The following NHSL2 variants were observed in gnomAD, a reference collection of about 807,000 sequenced individuals.
The protein encoded by NHSL2 is NHS-like protein 2.
In NHSL2, 27 loss-of-function variants were observed where a neutral mutation model predicts 53.4. The observed-to-expected ratio is 0.51, with a 90% CI of 0.37 to 0.70. NHSL2 has a LOEUF of 0.70. Ranked by LOEUF, NHSL2 falls within the 30% of genes least tolerant of loss-of-function variation. The pLI is 0.00. For missense variants in NHSL2, 892 were observed against 980.1 expected (o/e 0.91, Z 1.20); for synonymous variants, 408 against 404.1 (o/e 1.01, Z -0.12).
At chrX:72,129,550 C>A (rs1293021718) in intron 1 of NHSL2, 2 of 329,356 alleles carry the variant, frequency 6.1e-6, no homozygotes, top group Non-Finnish European at 1.1e-5. Context: ...TGGGAACAGG[C>A]CCAGAAACTT....
At chrX:72,012,300 A>C (rs2042119256) in intron 1 of NHSL2, among the ~76,000 whole-genome samples, 1 of 111,471 alleles carries the variant, frequency 9.0e-6, no homozygotes, top group African/African-American at 3.3e-5. Context: ...AAGGTGTGAG[A>C]TAGATTATAT....
At chrX:72,024,017 A>G in intron 1 of NHSL2, among the ~76,000 whole-genome samples, 1 of 111,266 alleles carries the variant, frequency 9.0e-6, no homozygotes, top group East Asian at 2.8e-4. Flanking sequence ...CCTGAGGGAG[A>G]GGAATCTTGG....
At chrX:71,940,185 A>G (rs1184048980) in intron 1 of NHSL2, among the ~76,000 whole-genome samples, 1 of 112,215 alleles carries the variant, frequency 8.9e-6, no homozygotes, top group African/African-American at 3.2e-5. Flanking sequence ...AAGCCAAGCT[A>G]CAAGAAAGTT....
At chrX:72,082,944 A>G (rs964385517) in intron 1 of NHSL2, among the ~76,000 whole-genome samples, 5 of 111,867 alleles carry the variant, frequency 4.5e-5, no homozygotes, top group Non-Finnish European at 9.4e-5. Flanking sequence ...AGCCTAAAAC[A>G]ATGAACTATA....
intron 1 of NHSL2, among the ~76,000 whole-genome samples, chrX:71,959,105 A>G (rs867560472): frequency 6.9e-4 from 78 of 112,397 alleles, no homozygotes; most frequent in African/African-American, 2.5e-3. Flanking sequence ...GAATAAGTTG[A>G]TCAAGGGTGG....
At chrX:72,107,128 A>G (rs2042050044) in intron 1 of NHSL2, among the ~76,000 whole-genome samples, 1 of 110,593 alleles carries the variant, frequency 9.0e-6, no homozygotes, top group South Asian at 3.8e-4. Context: ...ATAAATAAAT[A>G]AAATTTTTTA....
rs922040835 is a variant in NHSL2, at chrX:72,018,682, G to A, written c.280+107315G>A. On this transcript the variant is annotated intron_variant, in intron 1 of 7. Transcript: ENST00000633930. The stretch of plus-strand genomic sequence containing the variant: ...ATCCCTCAGCACCTCCGGAACACGA[G>A]GCTGCTTGGAAGCAGCCGGGCCCCC... 6.2e-5 allele frequency among the ~76,000 whole-genome samples: 7 copies of A among 112,726 alleles called. No homozygotes were observed. In the East Asian group the frequency reaches 2.0e-3, roughly 32 times the overall value.
At chrX:71,936,247 G>C (rs766966234) in intron 1 of NHSL2, among the ~76,000 whole-genome samples, 3 of 112,123 alleles carry the variant, frequency 2.7e-5, no homozygotes, top group South Asian at 7.5e-4. Context: ...CCGAAGCCTA[G>C]AGATGGGAGC....
intron 1 of NHSL2, among the ~76,000 whole-genome samples, chrX:72,058,754 G>T (rs1414444344): frequency 8.9e-6 from 1 of 112,544 alleles, no homozygotes; most frequent in Non-Finnish European, 1.9e-5. Flanking sequence ...CACCAGGATT[G>T]CTACCTGACC....
intron 1 of NHSL2, among the ~76,000 whole-genome samples, chrX:72,082,472 T>C (rs1483634863): frequency 8.9e-6 from 1 of 112,285 alleles, no homozygotes; most frequent in Non-Finnish European, 1.9e-5. Context: ...ATTGATTGTA[T>C]TGGTTGTGTG....
chrX:72,141,189 A>T (rs1400528577), intron 6 of NHSL2: 1 of 125,145 alleles, frequency 8.0e-6, no homozygotes, highest in Non-Finnish European at 1.8e-5. Flanking sequence ...ACCCCACCAG[A>T]CTGAGTTCAA....
At chrX:72,066,131 T>C (rs888595252) in intron 1 of NHSL2, among the ~76,000 whole-genome samples, 2 of 111,219 alleles carry the variant, frequency 1.8e-5, no homozygotes, top group Non-Finnish European at 3.8e-5. Context: ...AAGATATTCA[T>C]TGAAGGGGTC....
At chrX:71,947,566 G>A (rs1248096637) in intron 1 of NHSL2, among the ~76,000 whole-genome samples, 1 of 112,146 alleles carries the variant, frequency 8.9e-6, no homozygotes, top group Middle Eastern at 4.7e-3. Flanking sequence ...TAGGAGACTA[G>A]TATTCATTGA....
chrX:71,991,818 T>TTCTCTCTCTCTC (rs59851052), intron 1 of NHSL2, among the ~76,000 whole-genome samples: 2,695 of 99,812 alleles, frequency 0.027, 114 homozygotes, highest in African/African-American at 0.095. Context: ...GTCTTTCTCT[T>TTCTCTCTCTCTC]TCTCTCTCTC....
intron 7 of NHSL2, 30 bp from the exon 8 acceptor site, chrX:72,143,223 C>T (rs752163907): frequency 1.9e-6 from 2 of 1,056,226 alleles, no homozygotes; most frequent in Non-Finnish European, 2.5e-6. Flanking sequence ...GCTGCATTAA[C>T]TCACTCAGAC....
intron 1 of NHSL2, among the ~76,000 whole-genome samples, chrX:72,005,256 T>C (rs2147888042): frequency 8.9e-6 from 1 of 112,628 alleles, no homozygotes; most frequent in African/African-American, 3.2e-5. Context: ...CATGAGCCAC[T>C]GCACCTAGTC....
chrX:71,947,782 A>G (rs764463669), intron 1 of NHSL2, among the ~76,000 whole-genome samples: 1 of 112,301 alleles, frequency 8.9e-6, no homozygotes, highest in Non-Finnish European at 1.9e-5. Context: ...TTCTAAGTGA[A>G]GTAACTCAGG....
intron 1 of NHSL2, among the ~76,000 whole-genome samples, chrX:71,979,448 C>T (rs2041964551): frequency 1.8e-5 from 2 of 111,680 alleles, no homozygotes; most frequent in African/African-American, 6.5e-5. Flanking sequence ...TTAATGATCG[C>T]CATTCTAACT....
chrX:71,949,938 T>C (rs761581568), intron 1 of NHSL2, among the ~76,000 whole-genome samples: 44 of 113,309 alleles, frequency 3.9e-4, no homozygotes, highest in Non-Finnish European at 7.7e-4. Flanking sequence ...CACTTCCCCC[T>C]GGCCAGCTGT....
Sources: allele counts gnomAD v4.1 joint callset (sites outside exome capture counted in the v4.1 genomes callset), GRCh38; gene constraint gnomAD v4.1.1; transcripts MANE v1.5; gene names NCBI Gene and HGNC (gene_info 2026-07-23, HGNC 2026-07-21).